The following ATP10B variants were observed in gnomAD, a reference collection of about 807,000 sequenced individuals.
ATP10B encodes ATPase phospholipid transporting 10B (putative).
A neutral mutation model predicts 141.2 loss-of-function variants in ATP10B; 122 were observed. That is an observed-to-expected ratio of 0.86 (90% CI 0.75 to 1.00). The LOEUF is 1.00. ATP10B is among the 50% of genes least tolerant of loss of function. ATP10B has a pLI of 0.00. For synonymous variants in ATP10B, 685 were observed against 692.0 expected (o/e 0.99, Z 0.16); for missense variants, 1,876 against 1,825.3 (o/e 1.03, Z -0.51).
intron 1 of ATP10B, among the ~76,000 whole-genome samples, chr5:160,793,314 T>C: frequency 6.6e-6 from 1 of 152,196 alleles, no homozygotes; most frequent in East Asian, 1.9e-4. Context: ...TATGTATTTT[T>C]ATTTTAATAT....
chr5:160,815,428 A>T (rs1773532158), intron 1 of ATP10B, among the ~76,000 whole-genome samples: 1 of 152,234 alleles, frequency 6.6e-6, no homozygotes, highest in East Asian at 1.9e-4. Context: ...CAATTCAACA[A>T]GAAGAGCTAA....
intron 2 of ATP10B, among the ~76,000 whole-genome samples, chr5:160,725,008 T>A (rs753532597): frequency 9.8e-5 from 15 of 152,356 alleles, no homozygotes; most frequent in South Asian, 2.1e-4. Context: ...CATTGCTTTT[T>A]CCAGAAAGCC....
At chr5:160,818,296 T>G (rs934164801) in intron 1 of ATP10B, among the ~76,000 whole-genome samples, 2 of 152,080 alleles carry the variant, frequency 1.3e-5, no homozygotes, top group African/African-American at 4.8e-5. Flanking sequence ...CTCAAACAAA[T>G]TTACAAGAAC....
chr5:160,590,971 G>T, intron 23 of ATP10B, 88 bp downstream of exon 23: 1 of 1,133,416 alleles, frequency 8.8e-7, no homozygotes, highest in South Asian at 1.3e-5. Flanking sequence ...AAAGTGTCCA[G>T]AAGGACACTA....
intron 2 of ATP10B, among the ~76,000 whole-genome samples, chr5:160,745,569 T>A (rs1349770486): frequency 1.3e-5 from 2 of 152,248 alleles, no homozygotes; most frequent in East Asian, 3.8e-4. Context: ...GTCAGCATCA[T>A]GTGTCCTATC....
intron 5 of ATP10B, among the ~76,000 whole-genome samples, chr5:160,686,593 C>T (rs1222497737): frequency 6.6e-6 from 1 of 152,112 alleles, no homozygotes; most frequent in African/African-American, 2.4e-5. Flanking sequence ...CTCACCCTTT[C>T]CCCCTAAGTC....
chr5:160,686,225 G>A lies in ATP10B; in HGVS notation c.324C>T (p.Pro108=). The change falls in exon 6 of 26, where the codon CCC becomes CCT. Residue 108 remains proline, a synonymous_variant. Coordinates refer to ENST00000327245, the MANE Select transcript of ATP10B (RefSeq NM_025153.3). ...FLFLVILNWM[P]SMEVFHREIT... is the part of the protein sequence containing the mutation. ...TTTCTCTGTGGAAGACTTCCATGGA[G>A]GGCATCCAGTTCAAAATCACCAGGA... The A allele has an allele frequency of 6.2e-7, 1 of 1,609,784 alleles. No individual in the cohort carries two copies. The highest frequency in any genetic ancestry group is 8.5e-7 in the Non-Finnish European group (1 of 1,177,282).
chr5:160,768,097 G>A (rs1323653688), intron 2 of ATP10B, among the ~76,000 whole-genome samples: 1 of 151,854 alleles, frequency 6.6e-6, no homozygotes, highest in African/African-American at 2.4e-5. Flanking sequence ...CCTCCAGTCA[G>A]GCCAACCTAC....
At chr5:160,704,656 C>T (rs974133874) in intron 3 of ATP10B, among the ~76,000 whole-genome samples, 1 of 152,158 alleles carries the variant, frequency 6.6e-6, no homozygotes, top group African/African-American at 2.4e-5. Flanking sequence ...TTCTCTCCAG[C>T]TATGAAAGTT....
chr5:160,879,086 C>T, the ATP10B span, among the ~76,000 whole-genome samples: 36 of 65,468 alleles, frequency 5.5e-4, no homozygotes, highest in East Asian at 8.9e-3. Context: ...CACATGCACA[C>T]GTATGTTTAT....
chr5:160,600,989 T>C (rs937544449), intron 21 of ATP10B, among the ~76,000 whole-genome samples: 2 of 151,932 alleles, frequency 1.3e-5, no homozygotes, highest in Non-Finnish European at 2.9e-5. Flanking sequence ...ACGTTTTCTT[T>C]CCTATTTCAC....
At chr5:160,653,366 GTACA>G (rs1307458563) in intron 7 of ATP10B, among the ~76,000 whole-genome samples, 5 of 68,028 alleles carry the variant, frequency 7.3e-5, no homozygotes, top group East Asian at 3.0e-4. Context: ...ATATACATAC[GTACA>G]TACATACATA....
intron 2 of ATP10B, among the ~76,000 whole-genome samples, chr5:160,777,148 G>A (rs1022899229): frequency 6.6e-6 from 1 of 152,206 alleles, no homozygotes; most frequent in African/African-American, 2.4e-5. Flanking sequence ...AGGATATTCA[G>A]AGCTATGGAA....
intron 24 of ATP10B, among the ~76,000 whole-genome samples, chr5:160,588,455 G>C (rs1756059197): frequency 6.6e-6 from 1 of 152,072 alleles, no homozygotes. Context: ...AGCCTACTTG[G>C]GGCTATTTTC....
At chr5:160,703,741 A>T (rs990613378) in intron 3 of ATP10B, among the ~76,000 whole-genome samples, 4 of 152,302 alleles carry the variant, frequency 2.6e-5, no homozygotes, top group African/African-American at 9.6e-5. Context: ...CTGGGATTAC[A>T]GGTGTGAGTC....
chr5:160,894,480 A>G, the ATP10B span, among the ~76,000 whole-genome samples: 1 of 151,990 alleles, frequency 6.6e-6, no homozygotes, highest in Non-Finnish European at 1.5e-5. Context: ...TTAATGAAAT[A>G]AAGTGTGAGG....
At chr5:160,604,104 C>T (rs1581187067) in intron 19 of ATP10B, 63 bp from the exon 20 acceptor site, 6 of 1,217,732 alleles carry the variant, frequency 4.9e-6, no homozygotes, top group South Asian at 3.6e-5. Context: ...AATGAGGTAG[C>T]TCTAAAGTGT....
intron 3 of ATP10B, among the ~76,000 whole-genome samples, chr5:160,698,643 T>C (rs1228209539): frequency 6.6e-6 from 1 of 151,804 alleles, no homozygotes; most frequent in East Asian, 1.9e-4. Flanking sequence ...GAGAGGAAAA[T>C]CAGTGATGCA....
chr5:160,814,095 C>T (rs1444789501), intron 1 of ATP10B, among the ~76,000 whole-genome samples: 5 of 152,160 alleles, frequency 3.3e-5, no homozygotes, highest in South Asian at 2.1e-4. Flanking sequence ...TTCGAAGGAA[C>T]GCAGCTCTTC....
Sources: gnomAD v4.1 joint callset for allele counts (sites outside exome capture counted in the v4.1 genomes callset) on GRCh38, gnomAD v4.1.1 for gene constraint, MANE v1.5 for transcripts, NCBI Gene and HGNC (gene_info 2026-07-23, HGNC 2026-07-21) for gene names.